Variants in LNX2 observed in about 807,000 individuals in gnomAD.
LNX2 encodes ligand of Numb protein X 2.
A neutral mutation model predicts 66.2 loss-of-function variants in LNX2; 35 were observed. The ratio of observed to expected loss-of-function variants is 0.53; its 90% CI spans 0.40 to 0.70. The LOEUF (loss-of-function observed/expected upper bound fraction) is 0.70, where lower values mean the gene tolerates loss of function less well. Ranked by LOEUF, LNX2 falls within the 30% of genes least tolerant of loss-of-function variation. LNX2 has a pLI of 0.00. For synonymous variants in LNX2, 337 were observed against 315.6 expected, an observed-to-expected ratio of 1.07 and a Z score of -0.72; for missense variants, 791 against 850.8, an observed-to-expected ratio of 0.93 and a Z score of 0.87.
At chr13:27,573,239 G>C (rs1032241956) in intron 2 of LNX2, among the ~76,000 whole-genome samples, 1 of 152,128 alleles carries the variant, frequency 6.6e-6, no homozygotes, top group East Asian at 1.9e-4. Flanking sequence ...GAGCAGACTG[G>C]AGAACCTTCA....
intron 2 of LNX2, among the ~76,000 whole-genome samples, chr13:27,574,939 G>A (rs1164386927): frequency 6.6e-6 from 1 of 152,102 alleles, no homozygotes; most frequent in Non-Finnish European, 1.5e-5. Flanking sequence ...AGACAGAGAA[G>A]GGGAGAAAAC....
chr13:27,603,836 T>C (rs367789728), intron 1 of LNX2, among the ~76,000 whole-genome samples: 23 of 152,128 alleles, frequency 1.5e-4, no homozygotes, highest in East Asian at 5.8e-4. Flanking sequence ...AAAATGACTA[T>C]TATGTATTCC....
chr13:27,587,865 C>CA (rs1456648882), intron 1 of LNX2, among the ~76,000 whole-genome samples: 1 of 151,816 alleles, frequency 6.6e-6, no homozygotes, highest in Admixed American at 6.6e-5. Flanking sequence ...ACTAAAAATA[C>CA]AAAAAATTAG....
intron 8 of LNX2, among the ~76,000 whole-genome samples, chr13:27,552,010 T>C (rs559169923): frequency 1.3e-5 from 2 of 152,344 alleles, no homozygotes; most frequent in South Asian, 4.1e-4. Flanking sequence ...GAGACCTCCA[T>C]ACACACATTG....
chr13:27,612,680 C>A (rs1337754407), intron 1 of LNX2, among the ~76,000 whole-genome samples: 1 of 152,112 alleles, frequency 6.6e-6, no homozygotes, highest in Non-Finnish European at 1.5e-5. Context: ...CTCACTGCAG[C>A]CTCAACCTCC....
intron 1 of LNX2, among the ~76,000 whole-genome samples, chr13:27,583,240 G>C (rs1214859446): frequency 4.4e-5 from 1 of 22,654 alleles, no homozygotes; most frequent in Non-Finnish European, 8.1e-5. Flanking sequence ...GTGTGTGTGT[G>C]TGTGTGTGTG....
intron 1 of LNX2, among the ~76,000 whole-genome samples, chr13:27,603,521 A>G (rs1437184330): frequency 6.6e-6 from 1 of 152,212 alleles, no homozygotes; most frequent in African/African-American, 2.4e-5. Flanking sequence ...TACATAATCG[A>G]TGCCATTATA....
chr13:27,552,043 G>A (rs1392368483), intron 8 of LNX2, among the ~76,000 whole-genome samples: 1 of 152,076 alleles, frequency 6.6e-6, no homozygotes, highest in African/African-American at 2.4e-5. Flanking sequence ...TTATCGACAG[G>A]TATTCTTTCA....
At chr13:27,617,276 A>G (rs914252532) in intron 1 of LNX2, among the ~76,000 whole-genome samples, 1 of 152,204 alleles carries the variant, frequency 6.6e-6, no homozygotes, top group African/African-American at 2.4e-5. Context: ...CTAATTCTAC[A>G]TGCAAGATAC....
chr13:27,556,178 A>T (rs1955057750), intron 7 of LNX2, 58 bp downstream of exon 7: 2 of 1,490,574 alleles, frequency 1.3e-6, no homozygotes, highest in Non-Finnish European at 1.8e-6. Context: ...TTATTTTTTT[A>T]AATGTGCATT....
intron 8 of LNX2, 92 bp from the exon 9 acceptor site, chr13:27,550,583 C>A (rs970857281): frequency 3.3e-6 from 3 of 912,048 alleles, no homozygotes; most frequent in African/African-American, 3.4e-5. Flanking sequence ...GTTATATTTA[C>A]CACTCTTGGA....
intron 2 of LNX2, among the ~76,000 whole-genome samples, chr13:27,574,307 G>A (rs545627524): frequency 6.6e-6 from 1 of 152,194 alleles, no homozygotes; most frequent in East Asian, 1.9e-4. Context: ...AGCCAGGTTT[G>A]GTGGCGCATG....
chr13:27,580,796 T>A (rs567030034), intron 2 of LNX2, among the ~76,000 whole-genome samples: 49 of 152,210 alleles, frequency 3.2e-4, no homozygotes, highest in Non-Finnish European at 6.3e-4. Flanking sequence ...AATATCCCAC[T>A]GAGTTTATGT....
chr13:27,574,588 C>T (rs977878907), intron 2 of LNX2, among the ~76,000 whole-genome samples: 35 of 149,612 alleles, frequency 2.3e-4, no homozygotes, highest in South Asian at 6.3e-4. Context: ...AGAGAATAAA[C>T]ATATACATAA....
At position 27,581,631 on chromosome 13, in the gene LNX2, C is replaced by G; in HGVS notation, c.73G>C (p.Glu25Gln). 2 of 1,614,102 alleles carry G rather than the reference C, an allele frequency of 1.2e-6. No homozygotes were observed. The highest frequency in any genetic ancestry group is 1.7e-6 in the Non-Finnish European group (2 of 1,180,012). ...CTTGTCCAGTGCTGTTGGCCACATTCAAAACACAGGGGGTTTAGAGAAGAG... is the reference window on the plus strand; with the variant it reads ...CTTGTCCAGTGCTGTTGGCCACATTGAAAACACAGGGGGTTTAGAGAAGAG... The part of the protein sequence containing the change: ...SSSSLNPLCF[E>Q]CGQQHWTREN... Residue 25 changes from glutamate (E) to glutamine (Q), a missense_variant, in exon 2 of 10, where the codon GAA becomes CAA. Transcript: ENST00000316334.
At chr13:27,607,947 T>G (rs1955735121) in intron 1 of LNX2, among the ~76,000 whole-genome samples, 1 of 152,218 alleles carries the variant, frequency 6.6e-6, no homozygotes, top group Non-Finnish European at 1.5e-5. Flanking sequence ...ATCATCTAAT[T>G]TTCCTCCTAG....
chr13:27,583,214 G>GTCCTCTCCAATATAACTT lies in LNX2; in HGVS notation c.-100-1412_-100-1411insAAGTTATATTGGAGAGGA, dbSNP rs1555268475. Among the ~76,000 whole-genome samples, 169 of 16,906 alleles carry GTCCTCTCCAATATAACTT rather than the reference G, an allele frequency of 1.0e-2. 25 individuals carry two copies. The highest frequency in any genetic ancestry group is 0.08 in the East Asian group (54 of 678). 11.1% of individuals were successfully genotyped at this position (16,906 alleles called of 152,430 possible). A position where few individuals can be genotyped will look rare whatever the true frequency, so the allele number is the denominator to read the frequency against. On this transcript the variant is annotated intron_variant, in intron 1 of 9. Transcript: ENST00000316334. ...TGTGTGTGTGTGTGTGTGTGTGTGT[G>GTCCTCTCCAATATAACTT]TGTGTGTGTGTGTGTGTGTGTGTGT...
At chr13:27,572,908 G>C (rs1055997926) in intron 2 of LNX2, among the ~76,000 whole-genome samples, 1 of 152,166 alleles carries the variant, frequency 6.6e-6, no homozygotes, top group Non-Finnish European at 1.5e-5. Context: ...GATAAAAATA[G>C]CTAGGGAATA....
At chr13:27,609,156 TTTC>T (rs202076078) in intron 1 of LNX2, among the ~76,000 whole-genome samples, 10,871 of 79,186 alleles carry the variant, frequency 0.14, 630 homozygotes, top group East Asian at 0.35. Flanking sequence ...TGATTTTTTT[TTTC>T]TTTTTTTTTA....
Sources: allele counts gnomAD v4.1 joint callset (sites outside exome capture counted in the v4.1 genomes callset), GRCh38; gene constraint gnomAD v4.1.1; transcripts MANE v1.5; gene names NCBI Gene and HGNC (gene_info 2026-07-23, HGNC 2026-07-21).